PPP4R1: variants seen among roughly 807,000 people sequenced by gnomAD.
PPP4R1 encodes protein phosphatase 4 regulatory subunit 1.
In PPP4R1, 42 loss-of-function variants were observed where a neutral mutation model predicts 111.2. The ratio of observed to expected loss-of-function variants is 0.38; its 90% CI spans 0.29 to 0.49. The LOEUF (loss-of-function observed/expected upper bound fraction) is 0.49. Among genes scored for constraint, PPP4R1 ranks in the 20% least tolerant of loss-of-function variants. The pLI is 0.97. For missense variants in PPP4R1, 1,012 were observed against 1,161.6 expected (o/e 0.87, Z 1.87); for synonymous variants, 409 against 405.5 (o/e 1.01, Z -0.10).
Position 9,570,403 on chromosome 18 carries a change from G to A in PPP4R1, c.1327C>T (p.Gln443Ter). 1 of 1,614,058 alleles carries A rather than the reference G, an allele frequency of 6.2e-7. No homozygotes were observed. Among genetic ancestry groups the A allele is most frequent in the Non-Finnish European group, 8.5e-7 (1 of 1,179,972 alleles). ...MLRPEVGTTS[Q>*]DSALLDQELY... ...TCCTGATCTAAGAGAGCTGAATCTT[G>A]TGAAGTGGTGCCAACCTCTGGTCGT... is the stretch of plus-strand genomic sequence containing the variant. Residue 443 changes from glutamine to a stop codon, truncating the protein, a stop_gained, in exon 11 of 20, where the codon CAA (glutamine) becomes TAA (stop). Coordinates refer to ENST00000400556, the MANE Select transcript of PPP4R1 (RefSeq NM_001042388.3). LOFTEE classifies it high-confidence loss of function.
In PPP4R1 at chr18:9,562,063, T is replaced by C. The variant is rs372996580; in HGVS notation, c.1759A>G (p.Thr587Ala). 1.3e-4 allele frequency: 203 copies of C among 1,610,332 alleles called. 5 individuals are homozygous for C. The South Asian group carries it at 1.8e-3, about 15-fold the overall frequency. ...ISDAVENMDS[T>A]LHYIHSDSDL... ...GAATCGCTGTGAATATAGTGAAGAG[T>C]GGAGTCCATATTCTGTTAGGAAAAA... Residue 587 changes from threonine to alanine, a missense_variant, in exon 13 of 20, where the codon ACT becomes GCT. Thr to Ala is a moderately conservative substitution (Grantham distance 58). Transcript: ENST00000400556.
At chr18:9,573,089 C>T (rs1568102321) in intron 10 of PPP4R1, among the ~76,000 whole-genome samples, 1 of 152,174 alleles carries the variant, frequency 6.6e-6, no homozygotes, top group Non-Finnish European at 1.5e-5. Flanking sequence ...GAAGCTAGTG[C>T]TGTTATGCAA....
At chr18:9,573,954 A>T (rs188016539) in intron 10 of PPP4R1, among the ~76,000 whole-genome samples, 1 of 152,318 alleles carries the variant, frequency 6.6e-6, no homozygotes, top group East Asian at 1.9e-4. Context: ...TAAATTGTGG[A>T]CAGAACTACA....
chr18:9,584,634 A>G (rs2067085801), intron 7 of PPP4R1, 54 bp from the exon 8 acceptor site: 2 of 1,604,404 alleles, frequency 1.2e-6, no homozygotes, highest in Non-Finnish European at 1.7e-6. Context: ...AGGTTCTTCT[A>G]AGATAATCTT....
Position 9,614,143 on chromosome 18 carries a change from G to A in PPP4R1, c.52+83C>T. 8.5e-7 allele frequency: 1 copy of A among 1,170,274 alleles called. No homozygotes were observed. The allele number at this position is 1,170,274 out of a possible 1,614,324, so 72.5% of individuals were successfully genotyped here. ...CCCACCGTCCCCTCAGCCAGCCAGGGCCCGGCCCAGGCCTCGCCGCCGCCC... is the reference window on the plus strand; with the variant it reads ...CCCACCGTCCCCTCAGCCAGCCAGGACCCGGCCCAGGCCTCGCCGCCGCCC... On this transcript the variant is annotated intron_variant, in intron 2 of 19. Coordinates refer to ENST00000400556, the MANE Select transcript of PPP4R1 (RefSeq NM_001042388.3). The surrounding 1 kb of genome is among the most constrained non-coding windows in gnomAD (Gnocchi z 4.1).
At chr18:9,595,248 T>C in intron 2 of PPP4R1, 95 bp from the exon 3 acceptor site, 5 of 1,294,898 alleles carry the variant, frequency 3.9e-6, no homozygotes, top group Non-Finnish European at 4.2e-6. Context: ...TCTGGAATGG[T>C]ACAAAAAAAA....
At position 9,546,843 on chromosome 18, in the gene PPP4R1, A is replaced by T. The variant is rs1362926643; in HGVS notation, c.*946T>A. 2 of 152,270 alleles carry T rather than the reference A, an allele frequency of 1.3e-5. No homozygotes were observed. Among genetic ancestry groups the T allele is most frequent in the Non-Finnish European group, 2.9e-5 (2 of 68,044 alleles). The allele number at this position is 152,270 out of a possible 1,614,324, so 9.4% of individuals were successfully genotyped here. On this transcript the variant is annotated 3_prime_UTR_variant, in exon 20 of 20. Transcript: ENST00000400556. Reference sequence around the variant, plus strand: ...CTAGTTTCCCCACTTTAAATCATTAATACAGGTCACAAATTGCATTTATTG... The same window carrying T: ...CTAGTTTCCCCACTTTAAATCATTATTACAGGTCACAAATTGCATTTATTG...
At chr18:9,599,351 A>T (rs2067342252) in intron 2 of PPP4R1, among the ~76,000 whole-genome samples, 1 of 152,236 alleles carries the variant, frequency 6.6e-6, no homozygotes, top group Admixed American at 6.5e-5. Context: ...AGAAACACAC[A>T]TACACCAAAG....
rs769959713 is a variant in PPP4R1 at position 9,547,162 on chromosome 18, T to C, written c.*627A>G. 1 of 152,712 alleles carries C rather than the reference T, an allele frequency of 6.5e-6. No homozygotes were observed. Among genetic ancestry groups the C allele is most frequent in the Non-Finnish European group, 1.5e-5 (1 of 68,096 alleles). The allele number at this position is 152,712 out of a possible 1,614,324, so 9.5% of individuals were successfully genotyped here. On this transcript the variant is annotated 3_prime_UTR_variant, in exon 20 of 20. Coordinates refer to ENST00000400556, the MANE Select transcript of PPP4R1 (RefSeq NM_001042388.3). ...AGACACTCAGCAACCATTCTGTAAA[T>C]GTGTACAGCAATATGCTGCGCTTAA...
intron 19 of PPP4R1, 61 bp from the exon 20 acceptor site, chr18:9,548,013 G>T: frequency 6.5e-7 from 1 of 1,539,616 alleles, no homozygotes; most frequent in Non-Finnish European, 8.9e-7. Context: ...TCAGAGTTCC[G>T]TCAAGTACGA....
Position 9,550,123 on chromosome 18 carries a change from T to C in PPP4R1, c.2476A>G (p.Asn826Asp). 1 of 1,614,182 alleles carries C rather than the reference T, an allele frequency of 6.2e-7. No homozygotes were observed. The highest frequency in any genetic ancestry group is 8.5e-7 in the Non-Finnish European group (1 of 1,180,038). The change falls in exon 18 of 20, where the codon AAT becomes GAT. Residue 826 changes from asparagine (N) to aspartate (D), a missense_variant. By Grantham distance (23) the Asn-to-Asp change is conservative. This residue lies in a region of PPP4R1 where 305 missense variants were observed against 419.5 expected (regional missense o/e 0.73). Transcript: ENST00000400556. The stretch of plus-strand genomic sequence containing the variant: ...CTGCCAAAGTTCTCCACAAGCTCAT[T>C]GATGAGGTCCACTCCGAACGTTGGT... ...TPPTFGVDLI[N>D]ELVENFGRCP...
Position 9,567,409 on chromosome 18 carries a change from A to G in PPP4R1, c.1573+2748T>C, listed in dbSNP as rs111937908. 7.3e-3 allele frequency among the ~76,000 whole-genome samples: 1,114 copies of G among 152,304 alleles called. 17 individuals are homozygous for G. Among genetic ancestry groups the G allele is most frequent in the Middle Eastern group, 0.034 (10 of 294 alleles). ...TGTTATGTTGTCCAGGCTGGAGTAT[A>G]GTGGTTATATGTAGGCACAATCATA... is the stretch of plus-strand genomic sequence containing the variant. On this transcript the variant is annotated intron_variant, in intron 11 of 19. Transcript: ENST00000400556.
intron 8 of PPP4R1, among the ~76,000 whole-genome samples, chr18:9,584,199 T>C (rs960549595): frequency 1.3e-5 from 2 of 152,212 alleles, no homozygotes; most frequent in South Asian, 2.1e-4. Context: ...AGATTTAATA[T>C]GTCATCAACA....
At chr18:9,558,186 C>T (rs10451359) in intron 14 of PPP4R1, among the ~76,000 whole-genome samples, 30,190 of 152,022 alleles carry the variant, frequency 0.2, 3,329 homozygotes, top group East Asian at 0.48. Context: ...TTTCCTTTCC[C>T]TTCCCCCCAG....
intron 10 of PPP4R1, among the ~76,000 whole-genome samples, chr18:9,571,871 T>C (rs1038785663): frequency 1.3e-5 from 2 of 152,140 alleles, no homozygotes; most frequent in African/African-American, 4.8e-5. Context: ...GGAAATCATG[T>C]AGTAAGGAAA....
intron 9 of PPP4R1, among the ~76,000 whole-genome samples, chr18:9,578,826 A>T (rs1318988049): frequency 6.6e-6 from 1 of 152,198 alleles, no homozygotes; most frequent in Non-Finnish European, 1.5e-5. Flanking sequence ...TTATGGAAAC[A>T]TTACTTCCAT....
At chr18:9,604,083 C>T (rs1485428100) in intron 2 of PPP4R1, among the ~76,000 whole-genome samples, 1 of 152,108 alleles carries the variant, frequency 6.6e-6, no homozygotes, top group Non-Finnish European at 1.5e-5. Context: ...GTTTAAAACA[C>T]TGATATTTAT....
chr18:9,577,261 A>G, intron 9 of PPP4R1, 70 bp from the exon 10 acceptor site: 1 of 1,422,884 alleles, frequency 7.0e-7, no homozygotes, highest in Non-Finnish European at 9.6e-7. Context: ...CACATTATGT[A>G]TATTTAATAA....
In PPP4R1 at chr18:9,604,157, C is replaced by T. The variant is rs1044127064; in HGVS notation, c.53-9004G>A. On this transcript the variant is annotated intron_variant, in intron 2 of 19. Coordinates refer to ENST00000400556, the MANE Select transcript of PPP4R1 (RefSeq NM_001042388.3). ...TTATGGAGAAAATTTTGAATGTCAA[C>T]TTTAAAATACATGATACAGAGTTTT... Among the ~76,000 whole-genome samples the T allele has an allele frequency of 3.3e-5, 5 of 152,202 alleles. No individual in the cohort carries two copies. In the South Asian group the frequency reaches 6.2e-4, roughly 19 times the overall value.
Sources: allele counts gnomAD v4.1 joint callset (sites outside exome capture counted in the v4.1 genomes callset), GRCh38; gene constraint gnomAD v4.1.1; regional missense constraint gnomAD v4.1.1; non-coding constraint Gnocchi (gnomAD v3.1); transcripts MANE v1.5; gene names NCBI Gene and HGNC (gene_info 2026-07-23, HGNC 2026-07-21).